The following TTN variants were observed in gnomAD, a reference collection of about 807,000 sequenced individuals.
TTN encodes the protein titin.
TTN carries 1,525 observed loss-of-function variants against 3,223.0 expected under a neutral mutation model. The observed-to-expected ratio is 0.47, with a 90% CI of 0.45 to 0.49. The LOEUF is 0.49. TTN is among the 20% of genes least tolerant of loss of function. The pLI, the probability that TTN is intolerant of heterozygous loss-of-function variation, is 0.00. For missense variants in TTN, 40,786 were observed against 43,424.0 expected (o/e 0.94, Z 5.40); for synonymous variants, 14,094 against 15,161.0 (o/e 0.93, Z 5.17).
rs746275042 is a variant in TTN at position 178,702,176 on chromosome 2, G to A, written c.30503C>T (p.Thr10168Met). Residue 10168 changes from threonine (T) to methionine (M), a missense_variant, in exon 108 of 363, where the codon ACG (threonine) becomes ATG (methionine). Physicochemically the swap from Thr to Met is moderately conservative, Grantham distance 81 (BLOSUM62 -1). Coordinates refer to ENST00000589042, the MANE Select transcript of TTN (RefSeq NM_001267550.2). ...TGATGGCGCTACCTCACCTTTCGTC[G>A]TTAGGTACAGCTCTGCCGTGCTTCT... is the stretch of plus-strand genomic sequence containing the variant. ...EARSTAELYLTTKEIKLELKP... is the reference protein window; with the variant it reads ...EARSTAELYLMTKEIKLELKP... 19 of 1,613,792 alleles carry A rather than the reference G, an allele frequency of 1.2e-5. No individual in the cohort carries two copies. The highest frequency in any genetic ancestry group is 4.5e-5 in the East Asian group (2 of 44,894).
Position 178,734,998 on chromosome 2 carries a change from GT to G in TTN, c.14936-11del, listed in dbSNP as rs1370552412. 1 of 1,527,532 alleles carries G rather than the reference GT, an allele frequency of 6.5e-7. No homozygotes were observed. The allele number at this position is 1,527,532 out of a possible 1,614,324, so 94.6% of individuals were successfully genotyped here. On this transcript the variant is annotated splice_polypyrimidine_tract_variant and intron_variant, in intron 50 of 362. Coordinates refer to ENST00000589042, the MANE Select transcript of TTN (RefSeq NM_001267550.2). ...ACGAAGGATGGTGGCTCTACATGAA[GT>G]TTACAAAAAAGAAAAAGGAGAAGAT... is the stretch of plus-strand genomic sequence containing the variant.
intron 112 of TTN, 115 bp from the exon 113 acceptor site, chr2:178,697,283 T>A: frequency 1.3e-6 from 1 of 762,238 alleles, no homozygotes; most frequent in Non-Finnish European, 2.0e-6. Context: ...CTACTACTCA[T>A]ACACCAGCCC....
intron 117 of TTN, among the ~76,000 whole-genome samples, chr2:178,694,280 T>C (rs1317215955): frequency 6.6e-6 from 1 of 152,136 alleles, no homozygotes; most frequent in East Asian, 1.9e-4. Context: ...TCTGTTAGGG[T>C]CTATTTCTAT....
intron 46 of TTN, among the ~76,000 whole-genome samples, chr2:178,754,306 T>G (rs1020256997): frequency 4.6e-5 from 7 of 152,152 alleles, no homozygotes; most frequent in African/African-American, 1.7e-4. Flanking sequence ...GTCAAATAAT[T>G]AGACAACTGT....
In TTN at chr2:178,594,548, T is replaced by C. The variant is rs756090879; in HGVS notation, c.57946A>G (p.Ile19316Val). The C allele has an allele frequency of 6.2e-7, 1 of 1,613,372 alleles. No individual in the cohort carries two copies. Among genetic ancestry groups the C allele is most frequent in the South Asian group, 1.1e-5 (1 of 91,038 alleles). Residue 19316 changes from isoleucine (I) to valine (V), a missense_variant, in exon 296 of 363, where the codon ATT becomes GTT. Ile to Val is a conservative substitution (Grantham distance 29). Transcript: ENST00000589042. Reference sequence around the variant, plus strand: ...CGACTTTCTAGGACATAGTTAATAATTTCTGACCCACCATCATACTTAGGA... The same window carrying C: ...CGACTTTCTAGGACATAGTTAATAACTTCTGACCCACCATCATACTTAGGA... Reference protein sequence around the residue: ...NPPKYDGGSEIINYVLESRLI... With the variant: ...NPPKYDGGSEVINYVLESRLI...
Position 178,706,710 on chromosome 2 carries a change from C to T in TTN, c.29164G>A (p.Gly9722Arg), listed in dbSNP as rs758659809. 7.5e-6 allele frequency: 12 copies of T among 1,609,968 alleles called. No homozygotes were observed. The highest frequency in any genetic ancestry group is 1.0e-5 in the Non-Finnish European group (12 of 1,177,164). Residue 9722 changes from glycine (G) to arginine (R), a missense_variant, in exon 102 of 363, where the codon GGA (glycine) becomes AGA (arginine). Transcript: ENST00000589042. The stretch of plus-strand genomic sequence containing the variant: ...TTAACATTTGGGATTGGGTCACCTC[C>T]AACTTTTGCAATGAAGGTCGCAGTG... ...KTTATFIAKVGGDPIPNVKWT... is the reference protein window; with the variant it reads ...KTTATFIAKVRGDPIPNVKWT...
At chr2:178,761,625 TG>T (rs937574188) in intron 43 of TTN, among the ~76,000 whole-genome samples, 1 of 152,168 alleles carries the variant, frequency 6.6e-6, no homozygotes, top group Non-Finnish European at 1.5e-5. Flanking sequence ...AGACAGAGAA[TG>T]ATGAGTACGT....
intron 33 of TTN, among the ~76,000 whole-genome samples, chr2:178,772,111 A>G (rs1324164512): frequency 6.6e-6 from 1 of 152,194 alleles, no homozygotes; most frequent in Non-Finnish European, 1.5e-5. Context: ...TGTCTGACCA[A>G]TGGTAGGTAC....
rs981499527 is a variant in TTN at position 178,738,157 on chromosome 2, C to T, written c.14296G>A (p.Asp4766Asn). The T allele has an allele frequency of 3.1e-6, 5 of 1,613,814 alleles. No individual in the cohort carries two copies. In the Admixed American group the frequency reaches 6.7e-5, roughly 22 times the overall value. The part of the protein sequence containing the change: ...SLEILRTQVV[D>N]CGEYTCKASN... ...GCTTTGCATGTATACTCGCCGCAGT[C>T]AACCACCTGGGTTCTCAGGATTTCA... The change falls in exon 49 of 363, where the codon GAC (aspartate) becomes AAC (asparagine). Residue 4766 changes from aspartate (D) to asparagine (N), a missense_variant. Coordinates refer to ENST00000589042, the MANE Select transcript of TTN (RefSeq NM_001267550.2).
rs559606572 is a variant in TTN at position 178,684,783 on chromosome 2, C to T, written c.32555-34G>A. The T allele has an allele frequency of 4.8e-5, 76 of 1,596,774 alleles. No homozygotes were observed. In the South Asian group the frequency reaches 5.2e-4, roughly 11 times the overall value. ...ATACCAGGCAATACCATCAAACATA[C>T]GATATGGAAAACACTAAACACAGGC... On this transcript the variant is annotated intron_variant, in intron 130 of 362. Coordinates refer to ENST00000589042, the MANE Select transcript of TTN (RefSeq NM_001267550.2).
chr2:178,660,658 A>G (rs2064531737), intron 180 of TTN, among the ~76,000 whole-genome samples: 1 of 152,264 alleles, frequency 6.6e-6, no homozygotes, highest in Non-Finnish European at 1.5e-5. Context: ...CAATGGTAAC[A>G]AAAGCCAAAA....
chr2:178,717,185 T>C lies in TTN; in HGVS notation c.25549A>G (p.Lys8517Glu). Residue 8517 changes from lysine (K) to glutamate (E), a missense_variant, in exon 88 of 363, where the codon AAA becomes GAA. Transcript: ENST00000589042. ...TGCCCGGCATCGCCTTTGCCTACTTTGAGAACTGTCAGAGTGGCAGTATTT... is the reference window on the plus strand; with the variant it reads ...TGCCCGGCATCGCCTTTGCCTACTTCGAGAACTGTCAGAGTGGCAGTATTT... ...VENTATLTVL[K>E]VGKGDAGQYT... is the part of the protein sequence containing the mutation. 1 of 1,613,652 alleles carries C rather than the reference T, an allele frequency of 6.2e-7. No individual in the cohort carries two copies. Among genetic ancestry groups the C allele is most frequent in the Non-Finnish European group, 8.5e-7 (1 of 1,179,660 alleles).
chr2:178,534,810 A>C lies in TTN; in HGVS notation c.101805T>G (p.Ile33935Met), dbSNP rs76106451. The change falls in exon 358 of 363, where the codon ATT (isoleucine) becomes ATG (methionine). Residue 33935 changes from isoleucine (I) to methionine (M), a missense_variant. Coordinates refer to ENST00000589042, the MANE Select transcript of TTN (RefSeq NM_001267550.2). Reference sequence around the variant, plus strand: ...TTTCTGGTCTAATGTCAAAGTGTCCAATATTATGACTGTGTAAAAACTGAA... The same window carrying C: ...TTTCTGGTCTAATGTCAAAGTGTCCCATATTATGACTGTGTAAAAACTGAA... ...EALQFLHSHNIGHFDIRPENI... is the reference protein window; with the variant it reads ...EALQFLHSHNMGHFDIRPENI... The C allele has an allele frequency of 1.2e-5, 20 of 1,611,418 alleles. No homozygotes were observed. The highest frequency in any genetic ancestry group is 1.7e-5 in the Non-Finnish European group (20 of 1,179,818).
At chr2:178,758,020 A>G (rs975165403) in intron 44 of TTN, 104 bp from the exon 45 acceptor site, 3 of 1,247,724 alleles carry the variant, frequency 2.4e-6, no homozygotes, top group African/African-American at 3.0e-5. Flanking sequence ...ATGGACTAGA[A>G]TTCAGTCCAC....
At chr2:178,719,098 A>C (rs372161283) in intron 83 of TTN, 66 bp downstream of exon 83, 1 of 1,544,394 alleles carries the variant, frequency 6.5e-7, no homozygotes, top group South Asian at 1.3e-5. Context: ...ACTCCAGGGA[A>C]GGCAGGCACC....
At chr2:178,632,856 A>C (rs2059969744) in intron 234 of TTN, 62 bp downstream of exon 234, 2 of 1,612,238 alleles carry the variant, frequency 1.2e-6, no homozygotes, top group Non-Finnish European at 1.7e-6. Context: ...TGATCAATGC[A>C]GGGGTGTATC....
chr2:178,699,166 T>TA (rs2074294041), intron 111 of TTN, among the ~76,000 whole-genome samples: 2 of 151,916 alleles, frequency 1.3e-5, no homozygotes, highest in South Asian at 4.2e-4. Flanking sequence ...TGCTGAGAGT[T>TA]AAAGTTTTCA....
intron 223 of TTN, among the ~76,000 whole-genome samples, chr2:178,638,927 TA>T: frequency 6.6e-6 from 1 of 152,186 alleles, no homozygotes; most frequent in East Asian, 1.9e-4. Flanking sequence ...TGTGTATGTT[TA>T]TCAATGACTA....
At chr2:178,583,486 T>C (rs1002447370) in intron 312 of TTN, 121 bp downstream of exon 312, 18 of 1,089,208 alleles carry the variant, frequency 1.7e-5, no homozygotes, top group African/African-American at 3.2e-5. Context: ...TTTGTGTCTA[T>C]ATACAAAACA....
Sources: allele counts gnomAD v4.1 joint callset (sites outside exome capture counted in the v4.1 genomes callset), GRCh38; gene constraint gnomAD v4.1.1; transcripts MANE v1.5; gene names NCBI Gene and HGNC (gene_info 2026-07-23, HGNC 2026-07-21).